MALSU1: variants seen among roughly 807,000 people sequenced by gnomAD.
The protein encoded by MALSU1 is mitochondrial assembly of ribosomal large subunit 1.
Under a neutral mutation model 22.1 loss-of-function variants are expected in MALSU1, and 22 were observed. That is an observed-to-expected ratio of 1.00 (90% CI 0.71 to 1.42). The LOEUF (loss-of-function observed/expected upper bound fraction) is 1.42, where lower values mean the gene tolerates loss of function less well. Ranked by LOEUF, MALSU1 falls within the 40% of genes most tolerant of loss-of-function variation. The probability of loss-of-function intolerance (pLI) is 0.00; values close to 1 mark genes in which losing one functional copy is unlikely to be tolerated. For missense variants in MALSU1, 379 were observed against 308.3 expected (o/e 1.23, Z -1.72); for synonymous variants, 153 against 118.5 (o/e 1.29, Z -1.89).
At chr7:23,303,577 G>T (rs774839882) in intron 2 of MALSU1, among the ~76,000 whole-genome samples, 7 of 151,972 alleles carry the variant, frequency 4.6e-5, no homozygotes, top group Non-Finnish European at 7.4e-5. Context: ...TGGGCGGATT[G>T]CTTGAGCTCA....
chr7:23,304,054 C>T (rs143063051), intron 2 of MALSU1, among the ~76,000 whole-genome samples: 176 of 151,224 alleles, frequency 1.2e-3, no homozygotes, highest in East Asian at 2.3e-3. Context: ...TGCAGTGAGC[C>T]GAGATTGTGC....
At position 23,311,293 on chromosome 7, in the gene MALSU1, A is replaced by C. The variant is rs1474115529; in HGVS notation, c.*1750A>C. 1 of 152,602 alleles carries C rather than the reference A, an allele frequency of 6.6e-6. No homozygotes were observed. The highest frequency in any genetic ancestry group is 1.5e-5 in the Non-Finnish European group (1 of 68,042). The allele number at this position is 152,602 out of a possible 1,614,324, so 9.5% of individuals were successfully genotyped here. Reference sequence around the variant, plus strand: ...AACTAAGCATCCTATAAGACAAGCTAAAGCTTGCTTTTTGCCAGTCAGTTG... The same window carrying C: ...AACTAAGCATCCTATAAGACAAGCTCAAGCTTGCTTTTTGCCAGTCAGTTG... On this transcript the variant is annotated 3_prime_UTR_variant, in exon 4 of 4. Transcript: ENST00000466681.
At chr7:23,302,167 A>G (rs1422558975) in intron 2 of MALSU1, among the ~76,000 whole-genome samples, 1 of 152,156 alleles carries the variant, frequency 6.6e-6, no homozygotes, top group African/African-American at 2.4e-5. Flanking sequence ...CAAGCACTGT[A>G]CGGGGTATTG....
At chr7:23,306,532 A>G (rs1399998739) in intron 2 of MALSU1, among the ~76,000 whole-genome samples, 6 of 152,132 alleles carry the variant, frequency 3.9e-5, no homozygotes, top group Non-Finnish European at 1.5e-5. Flanking sequence ...CTTACAGGAA[A>G]GCTTTCAGTC....
chr7:23,302,481 G>T (rs190152907), intron 2 of MALSU1, among the ~76,000 whole-genome samples: 2 of 152,268 alleles, frequency 1.3e-5, no homozygotes, highest in East Asian at 3.9e-4. Flanking sequence ...CAGAGCAGAA[G>T]AAGATGCCAA....
At chr7:23,299,849 C>G (rs1332971321) in intron 1 of MALSU1, among the ~76,000 whole-genome samples, 1 of 152,108 alleles carries the variant, frequency 6.6e-6, no homozygotes, top group Non-Finnish European at 1.5e-5. Context: ...CATCTCCCAC[C>G]CTTGGCATCA....
At chr7:23,301,193 G>C (rs77088273) in intron 2 of MALSU1, 176 bp downstream of exon 2, 6,443 of 566,826 alleles carry the variant, frequency 0.011, 240 homozygotes, top group African/African-American at 0.09. Context: ...ACATATGGGA[G>C]CAAATATCCA....
chr7:23,304,094 G>T (rs1041595942), intron 2 of MALSU1, among the ~76,000 whole-genome samples: 1 of 149,714 alleles, frequency 6.7e-6, no homozygotes, highest in Admixed American at 6.6e-5. Context: ...CAACAAGAGC[G>T]AAACTCAGTC....
Position 23,310,606 on chromosome 7 carries a change from A to G in MALSU1, c.*1063A>G, listed in dbSNP as rs533837185. On this transcript the variant is annotated 3_prime_UTR_variant, in exon 4 of 4. Coordinates refer to ENST00000466681, the MANE Select transcript of MALSU1 (RefSeq NM_138446.2). ...TTTTAATTCATTGTATGAAAAAAAA[A>G]TCATGAATGCTAGGAGAATCCAGTG... 3.7e-4 allele frequency: 56 copies of G among 152,348 alleles called. No individual in the cohort carries two copies. Among genetic ancestry groups the G allele is most frequent in the African/African-American group, 1.3e-3 (54 of 41,586 alleles). The allele number at this position is 152,348 out of a possible 1,614,324, so 9.4% of individuals were successfully genotyped here.
chr7:23,305,537 A>C (rs1783712096), intron 2 of MALSU1, among the ~76,000 whole-genome samples: 1 of 151,660 alleles, frequency 6.6e-6, no homozygotes, highest in Admixed American at 6.6e-5. Flanking sequence ...CACCATGCCC[A>C]GCTAATTTTT....
At chr7:23,304,377 T>A (rs1028884257) in intron 2 of MALSU1, among the ~76,000 whole-genome samples, 16 of 152,358 alleles carry the variant, frequency 1.1e-4, no homozygotes, top group African/African-American at 3.4e-4. Context: ...GCCATCCTAA[T>A]GGGCATGACG....
chr7:23,303,435 T>G (rs1783674949), intron 2 of MALSU1, among the ~76,000 whole-genome samples: 1 of 152,230 alleles, frequency 6.6e-6, no homozygotes, highest in Admixed American at 6.5e-5. Context: ...TATTCATTGA[T>G]GGACACTTAG....
chr7:23,307,602 C>T (rs1212594993), intron 2 of MALSU1: 2 of 341,798 alleles, frequency 5.9e-6, no homozygotes, highest in Non-Finnish European at 1.1e-5. Flanking sequence ...TTAGCTTTTT[C>T]AGCCTCAGAG....
chr7:23,303,169 G>A (rs925695870), intron 2 of MALSU1, among the ~76,000 whole-genome samples: 5 of 152,080 alleles, frequency 3.3e-5, no homozygotes, highest in Non-Finnish European at 5.9e-5. Context: ...TTGCAAAAAC[G>A]AAACTCTGAA....
intron 3 of MALSU1, among the ~76,000 whole-genome samples, chr7:23,308,385 T>TAACA (rs1024063802): frequency 5.3e-5 from 8 of 152,194 alleles, no homozygotes; most frequent in African/African-American, 1.9e-4. Flanking sequence ...TGAAAAGATC[T>TAACA]AACAACTTTG....
At chr7:23,306,844 G>C (rs141072360) in intron 2 of MALSU1, among the ~76,000 whole-genome samples, 270 of 152,254 alleles carry the variant, frequency 1.8e-3, no homozygotes, top group Middle Eastern at 3.4e-3. Context: ...TAGTATTTTT[G>C]TTGAGGATTT....
At chr7:23,308,553 C>T (rs932485982) in intron 3 of MALSU1, among the ~76,000 whole-genome samples, 4 of 152,102 alleles carry the variant, frequency 2.6e-5, no homozygotes, top group African/African-American at 9.7e-5. Context: ...TGGTAAAAGA[C>T]AAGACTATTA....
chr7:23,300,815 C>G lies in MALSU1; in HGVS notation c.257-24C>G, dbSNP rs766144152. ...GTCTATCTGCTTGGCCATCCTGATA[C>G]AAACAACTATTTGTGCATTTCAGAT... On this transcript the variant is annotated intron_variant, in intron 1 of 3. Transcript: ENST00000466681. 6 of 1,603,772 alleles carry G rather than the reference C, an allele frequency of 3.7e-6. No homozygotes were observed. In the South Asian group the frequency reaches 4.5e-5, roughly 12 times the overall value.
At chr7:23,300,432 C>A (rs776478274) in intron 1 of MALSU1, among the ~76,000 whole-genome samples, 2 of 152,178 alleles carry the variant, frequency 1.3e-5, no homozygotes, top group Admixed American at 1.3e-4. Context: ...AATTCTGTGA[C>A]CCGTTATGAC....
Sources: allele counts gnomAD v4.1 joint callset (sites outside exome capture counted in the v4.1 genomes callset), GRCh38; gene constraint gnomAD v4.1.1; transcripts MANE v1.5; gene names NCBI Gene and HGNC (gene_info 2026-07-23, HGNC 2026-07-21).